Variants in UVRAG observed in about 807,000 individuals in gnomAD.
UVRAG encodes the protein UV radiation resistance associated.
UVRAG carries 19 observed loss-of-function variants against 78.0 expected under a neutral mutation model. The ratio of observed to expected loss-of-function variants is 0.24; its 90% CI spans 0.17 to 0.36. The LOEUF is 0.36. Among genes scored for constraint, UVRAG ranks in the 10% least tolerant of loss-of-function variants. The pLI is 1.00. For synonymous variants in UVRAG, 323 were observed against 324.6 expected (o/e 1.00, Z 0.05); for missense variants, 740 against 853.8 (o/e 0.87, Z 1.66).
intron 11 of UVRAG, 54 bp from the exon 12 acceptor site, chr11:76,016,761 G>GC: frequency 7.2e-7 from 1 of 1,384,596 alleles, no homozygotes; most frequent in Non-Finnish European, 9.7e-7. Context: ...ATTATCTTAT[G>GC]GTTATTTATA....
chr11:75,919,294 A>G (rs1190647737), intron 6 of UVRAG, among the ~76,000 whole-genome samples: 1 of 152,132 alleles, frequency 6.6e-6, no homozygotes, highest in Non-Finnish European at 1.5e-5. Flanking sequence ...ACAGCTAAGA[A>G]CCCAACTGTA....
intron 13 of UVRAG, among the ~76,000 whole-genome samples, chr11:76,098,319 A>T (rs1951822668): frequency 6.6e-6 from 1 of 152,126 alleles, no homozygotes; most frequent in African/African-American, 2.4e-5. Flanking sequence ...TTTTCCAAAA[A>T]TTACTTTAAT....
intron 13 of UVRAG, among the ~76,000 whole-genome samples, chr11:76,067,935 C>T (rs2134386647): frequency 6.6e-6 from 1 of 152,248 alleles, no homozygotes; most frequent in South Asian, 2.1e-4. Context: ...AACTTCTCTT[C>T]TTGCCCTATT....
chr11:76,140,852 A>C lies in UVRAG; in HGVS notation c.1539A>C (p.Arg513Ser). ...HRKRASSENE[R>S]LQYKTPPPSY... ...AACGGGCCAGCTCTGAGAATGAGAG[A>C]CTTCAGTACAAAACCCCTCCTCCCA... is the stretch of plus-strand genomic sequence containing the variant. Residue 513 changes from arginine to serine, a missense_variant, in exon 15 of 15, where the codon AGA becomes AGC. Coordinates refer to ENST00000356136, the MANE Select transcript of UVRAG (RefSeq NM_003369.4). The C allele has an allele frequency of 6.2e-7, 1 of 1,614,112 alleles. No individual in the cohort carries two copies. The highest frequency in any genetic ancestry group is 8.5e-7 in the Non-Finnish European group (1 of 1,180,014).
Position 76,141,476 on chromosome 11 carries a change from CT to C in UVRAG, c.*65del. 1 of 1,455,340 alleles carries C rather than the reference CT, an allele frequency of 6.9e-7. No homozygotes were observed. The highest frequency in any genetic ancestry group is 1.3e-5 in the South Asian group (1 of 78,882). The allele number at this position is 1,455,340 out of a possible 1,614,324, so 90.2% of individuals were successfully genotyped here. A position where few individuals can be genotyped will look rare whatever the true frequency, so the allele number is the denominator to read the frequency against. On this transcript the variant is annotated 3_prime_UTR_variant, in exon 15 of 15. Coordinates refer to ENST00000356136, the MANE Select transcript of UVRAG (RefSeq NM_003369.4). ...TGCCTAAAATGAAGTGAAAGCTGCA[CT>C]TAACCCTTTGTGATAATGATGACAC... is the stretch of plus-strand genomic sequence containing the variant.
chr11:76,031,922 A>T (rs1010313073), intron 12 of UVRAG, among the ~76,000 whole-genome samples: 1 of 152,214 alleles, frequency 6.6e-6, no homozygotes, highest in Non-Finnish European at 1.5e-5. Flanking sequence ...TTGTGTTCTG[A>T]TATGAAGTAA....
chr11:75,941,990 A>G (rs1948493401), intron 6 of UVRAG: 1 of 152,188 alleles, frequency 6.6e-6, no homozygotes, highest in South Asian at 2.1e-4. Flanking sequence ...ATGAAAACAA[A>G]TGATAATGAA....
At chr11:76,058,952 C>T (rs2134366915) in intron 12 of UVRAG, among the ~76,000 whole-genome samples, 2 of 152,328 alleles carry the variant, frequency 1.3e-5, no homozygotes, top group Middle Eastern at 6.8e-3. Flanking sequence ...GTGTTTGTGA[C>T]ACTGTGAGGA....
chr11:75,935,035 A>C (rs778646306), intron 6 of UVRAG: 6 of 152,296 alleles, frequency 3.9e-5, no homozygotes, highest in Non-Finnish European at 7.3e-5. Context: ...AGGCAGACAA[A>C]ATATTAAATG....
At chr11:76,044,745 G>T (rs1009442382) in intron 12 of UVRAG, among the ~76,000 whole-genome samples, 8 of 152,082 alleles carry the variant, frequency 5.3e-5, no homozygotes, top group Admixed American at 3.9e-4. Flanking sequence ...CTGCACTCCA[G>T]CCTAGGCTAC....
rs145526879 is a variant in UVRAG at position 76,007,558 on chromosome 11, T to C, written c.936T>C (p.Ala312=). The part of the protein sequence containing the change: ...AKRELFLKTN[A]QLTIRCRQLL... ...GAGAACTCTTCTTGAAGACTAATGC[T>C]CAGTTGACAATTCGTTGCAGGCAGT... The change falls in exon 10 of 15, where the codon GCT becomes GCC. Residue 312 remains alanine (A), a synonymous_variant. Coordinates refer to ENST00000356136, the MANE Select transcript of UVRAG (RefSeq NM_003369.4). 86 of 1,613,844 alleles carry C rather than the reference T, an allele frequency of 5.3e-5. No individual in the cohort carries two copies. The highest frequency in any genetic ancestry group is 3.7e-4 in the Admixed American group (22 of 60,018).
At chr11:76,034,295 AC>A (rs199619159) in intron 12 of UVRAG, among the ~76,000 whole-genome samples, 1,540 of 152,180 alleles carry the variant, frequency 0.01, 24 homozygotes, top group African/African-American at 0.035. Context: ...GGTCTCAAGC[AC>A]ATCTCCCACC....
intron 1 of UVRAG, among the ~76,000 whole-genome samples, chr11:75,817,345 C>T (rs979656878): frequency 1.4e-4 from 22 of 152,160 alleles, no homozygotes; most frequent in African/African-American, 5.1e-4. Context: ...GATAACAGTT[C>T]ACAGTTTAAC....
chr11:76,130,632 A>G (rs1408701910), intron 14 of UVRAG, among the ~76,000 whole-genome samples: 2 of 152,126 alleles, frequency 1.3e-5, no homozygotes, highest in African/African-American at 4.8e-5. Flanking sequence ...AGAGCTATCC[A>G]TTTTTCTTTT....
At chr11:75,981,187 C>T (rs1240657031) in intron 7 of UVRAG, among the ~76,000 whole-genome samples, 3 of 152,074 alleles carry the variant, frequency 2.0e-5, no homozygotes, top group East Asian at 1.9e-4. Context: ...TCTTGGCTCA[C>T]GGCAACCTCC....
chr11:76,122,092 G>A (rs114252665), intron 14 of UVRAG, among the ~76,000 whole-genome samples: 2 of 152,156 alleles, frequency 1.3e-5, no homozygotes, highest in Non-Finnish European at 2.9e-5. Context: ...GGAGCTTACA[G>A]TCTAATTAAG....
Position 75,890,747 on chromosome 11 carries a change from C to A in UVRAG, c.507+1844C>A, listed in dbSNP as rs73491782. On this transcript the variant is annotated intron_variant, in intron 5 of 14. Coordinates refer to ENST00000356136, the MANE Select transcript of UVRAG (RefSeq NM_003369.4). ...GAGTCATAAGTGGTGATAAGATGGA[C>A]TAGGAACAGGCAGTACTGTAGGAAG... 6.3e-3 allele frequency among the ~76,000 whole-genome samples: 957 copies of A among 152,198 alleles called. 12 individuals are homozygous for A. Among genetic ancestry groups the A allele is most frequent in the African/African-American group, 0.022 (915 of 41,518 alleles).
At chr11:75,885,424 A>G (rs1312347694) in intron 4 of UVRAG, among the ~76,000 whole-genome samples, 1 of 152,136 alleles carries the variant, frequency 6.6e-6, no homozygotes, top group Non-Finnish European at 1.5e-5. Flanking sequence ...TTTGAAGATC[A>G]TGTGAACAAG....
At chr11:75,845,381 T>C (rs1946011449) in intron 1 of UVRAG, among the ~76,000 whole-genome samples, 1 of 152,198 alleles carries the variant, frequency 6.6e-6, no homozygotes, top group South Asian at 2.1e-4. Context: ...TTCTGGAGAT[T>C]GCTTGACCAC....
Sources: allele counts gnomAD v4.1 joint callset (sites outside exome capture counted in the v4.1 genomes callset), GRCh38; gene constraint gnomAD v4.1.1; transcripts MANE v1.5; gene names NCBI Gene and HGNC (gene_info 2026-07-23, HGNC 2026-07-21).